Variants in FILIP1 observed in about 807,000 individuals in gnomAD.
FILIP1 encodes the protein filamin-A-interacting protein 1.
Under a neutral mutation model 102.1 loss-of-function variants are expected in FILIP1, and 61 were observed. The observed-to-expected ratio is 0.60, with a 90% CI of 0.49 to 0.74. The LOEUF is 0.74. Among genes scored for constraint, FILIP1 ranks in the 30% least tolerant of loss-of-function variants. The pLI is 0.00. For synonymous variants in FILIP1, 491 were observed against 526.9 expected (o/e 0.93, Z 0.93); for missense variants, 1,314 against 1,441.2 (o/e 0.91, Z 1.43).
Position 75,314,408 on chromosome 6 carries a change from C to T in FILIP1, c.1424G>A (p.Ser475Asn), listed in dbSNP as rs113401431. The T allele has an allele frequency of 8.5e-5, 131 of 1,543,776 alleles. 1 individual carries two copies. The African/African-American group carries it at 1.5e-3, about 18-fold the overall frequency. Residue 475 changes from serine to asparagine, a missense_variant, in exon 5 of 6, where the codon AGT becomes AAT. By Grantham distance (46) the Ser-to-Asn change is conservative. This residue lies in a region of FILIP1 where 816 missense variants were observed against 913.1 expected (regional missense o/e 0.89). Coordinates refer to ENST00000237172, the MANE Select transcript of FILIP1 (RefSeq NM_015687.5). ...AGAACATTCCAATTCTTTAACTCGACTCTTGACCACCTCCAATTCATTTAG... is the reference window on the plus strand; with the variant it reads ...AGAACATTCCAATTCTTTAACTCGATTCTTGACCACCTCCAATTCATTTAG... ...DLLNELEVVK[S>N]RVKELECSES...
intron 1 of FILIP1, among the ~76,000 whole-genome samples, chr6:75,485,064 G>GA (rs960838993): frequency 5.3e-5 from 8 of 150,116 alleles, no homozygotes; most frequent in African/African-American, 1.2e-4. Flanking sequence ...CTGGGTGGGT[G>GA]AAAAAAAAAT....
intron 4 of FILIP1, among the ~76,000 whole-genome samples, chr6:75,345,061 C>A (rs1450220845): frequency 6.6e-6 from 1 of 152,210 alleles, no homozygotes; most frequent in Non-Finnish European, 1.5e-5. Flanking sequence ...CAAATACTGT[C>A]CTCCACTGTT....
chr6:75,453,974 C>T (rs1778730855), intron 1 of FILIP1: 1 of 456,684 alleles, frequency 2.2e-6, no homozygotes, highest in South Asian at 1.5e-5. Flanking sequence ...GCTGCCATGA[C>T]AAATTACCAT....
chr6:75,452,521 G>A (rs1427935893), intron 1 of FILIP1, among the ~76,000 whole-genome samples: 2 of 151,932 alleles, frequency 1.3e-5, no homozygotes, highest in Non-Finnish European at 2.9e-5. Context: ...TTGGACATTT[G>A]GGTTGGTTCC....
At chr6:75,323,837 C>A (rs1303508832) in intron 4 of FILIP1, among the ~76,000 whole-genome samples, 1 of 91,694 alleles carries the variant, frequency 1.1e-5, no homozygotes, top group South Asian at 4.0e-4. Context: ...AGGGGTGGTT[C>A]CCCCCACGCT....
At chr6:75,392,717 T>C (rs1410120180) in intron 2 of FILIP1, among the ~76,000 whole-genome samples, 1 of 152,158 alleles carries the variant, frequency 6.6e-6, no homozygotes, top group African/African-American at 2.4e-5. Flanking sequence ...GCTCCCATAA[T>C]TCCCATGTGT....
At position 75,493,634 on chromosome 6, in the gene FILIP1, T is replaced by G. The variant is rs898209771; in HGVS notation, c.-227A>C. Reference sequence around the variant, plus strand: ...AGAGTAGAGAGGAGGGAAAGCAGCTTCTTCTCCCTGAAATCCCGATCAGCA... The same window carrying G: ...AGAGTAGAGAGGAGGGAAAGCAGCTGCTTCTCCCTGAAATCCCGATCAGCA... On this transcript the variant is annotated 5_prime_UTR_variant, in exon 1 of 6. Transcript: ENST00000237172. 2.0e-5 allele frequency: 3 copies of G among 152,182 alleles called. No homozygotes were observed. Among genetic ancestry groups the G allele is most frequent in the Non-Finnish European group, 2.9e-5 (2 of 68,034 alleles). The allele number at this position is 152,182 out of a possible 1,614,324, so 9.4% of individuals were successfully genotyped here. A position where few individuals can be genotyped will look rare whatever the true frequency, so the allele number is the denominator to read the frequency against.
chr6:75,377,353 T>C (rs1431613335), intron 2 of FILIP1, among the ~76,000 whole-genome samples: 1 of 152,236 alleles, frequency 6.6e-6, no homozygotes, highest in Non-Finnish European at 1.5e-5. Flanking sequence ...TCAATTGCAT[T>C]TGCTTGTAAA....
chr6:75,467,686 A>C (rs983305810), intron 1 of FILIP1, among the ~76,000 whole-genome samples: 3 of 152,230 alleles, frequency 2.0e-5, no homozygotes, highest in African/African-American at 7.2e-5. Flanking sequence ...CGAATTTTTT[A>C]ATGCATATAG....
intron 1 of FILIP1, among the ~76,000 whole-genome samples, chr6:75,428,962 A>G (rs1290250131): frequency 6.6e-6 from 1 of 152,156 alleles, no homozygotes; most frequent in Non-Finnish European, 1.5e-5. Flanking sequence ...TAGCTTATCC[A>G]TTTAGATGGA....
At chr6:75,430,969 C>T (rs1228905440) in intron 1 of FILIP1, among the ~76,000 whole-genome samples, 2 of 152,144 alleles carry the variant, frequency 1.3e-5, no homozygotes, top group Middle Eastern at 3.2e-3. Flanking sequence ...AGGACAAGTG[C>T]AGCAAAATAA....
At chr6:75,371,606 T>G (rs1042651101) in intron 2 of FILIP1, among the ~76,000 whole-genome samples, 1 of 152,188 alleles carries the variant, frequency 6.6e-6, no homozygotes, top group African/African-American at 2.4e-5. Flanking sequence ...AATAGTGTGG[T>G]ACTGTCATAA....
chr6:75,475,849 G>T (rs1015353120), intron 1 of FILIP1, among the ~76,000 whole-genome samples: 2 of 152,114 alleles, frequency 1.3e-5, no homozygotes, highest in African/African-American at 4.8e-5. Context: ...AAAGCATTTA[G>T]CACAGTTCCT....
intron 4 of FILIP1, among the ~76,000 whole-genome samples, chr6:75,326,257 C>T (rs1012635919): frequency 6.6e-6 from 1 of 151,942 alleles, no homozygotes; most frequent in South Asian, 2.1e-4. Context: ...AATAGAAAAC[C>T]AAATATCATA....
chr6:75,310,348 AG>A (rs758757316), intron 5 of FILIP1, among the ~76,000 whole-genome samples: 4 of 152,248 alleles, frequency 2.6e-5, no homozygotes, highest in African/African-American at 4.8e-5. Context: ...CACTGAGTCA[AG>A]AACTTCTACA....
chr6:75,488,564 A>G (rs1779863228), intron 1 of FILIP1, among the ~76,000 whole-genome samples: 1 of 151,350 alleles, frequency 6.6e-6, no homozygotes, highest in Non-Finnish European at 1.5e-5. Flanking sequence ...TTCTTTCTTT[A>G]TTTTACTTTT....
intron 4 of FILIP1, among the ~76,000 whole-genome samples, chr6:75,349,679 T>C (rs982902346): frequency 6.6e-6 from 1 of 152,178 alleles, no homozygotes; most frequent in African/African-American, 2.4e-5. Context: ...TGCCGTTTCC[T>C]TATTAGCAGC....
rs116373740 is a variant in FILIP1 at position 75,348,019 on chromosome 6, A to G, written c.629+5520T>C. On this transcript the variant is annotated intron_variant, in intron 4 of 5. Coordinates refer to ENST00000237172, the MANE Select transcript of FILIP1 (RefSeq NM_015687.5). ...AAAATCCAAAAGTTTTAAAATCTCTATCTACAGTGATAGATCTAGACAGCA... is the reference window on the plus strand; with the variant it reads ...AAAATCCAAAAGTTTTAAAATCTCTGTCTACAGTGATAGATCTAGACAGCA... Among the ~76,000 whole-genome samples the G allele has an allele frequency of 3.0e-3, 450 of 151,646 alleles. 6 individuals are homozygous for G. Among genetic ancestry groups the G allele is most frequent in the African/African-American group, 0.01 (424 of 41,290 alleles).
At chr6:75,470,482 G>C (rs1411840029) in intron 1 of FILIP1, among the ~76,000 whole-genome samples, 1 of 152,090 alleles carries the variant, frequency 6.6e-6, no homozygotes, top group African/African-American at 2.4e-5. Context: ...CAAGTTATTT[G>C]ATATTTCTGT....
Sources: gnomAD v4.1 joint callset for allele counts (sites outside exome capture counted in the v4.1 genomes callset) on GRCh38, gnomAD v4.1.1 for gene constraint, gnomAD v4.1.1 regional missense constraint, MANE v1.5 for transcripts, NCBI Gene and HGNC (gene_info 2026-07-23, HGNC 2026-07-21) for gene names.